LRRTM3: variants seen among roughly 807,000 people sequenced by gnomAD.
The protein encoded by LRRTM3 is leucine-rich repeat transmembrane neuronal protein 3.
A neutral mutation model predicts 44.7 loss-of-function variants in LRRTM3; 24 were observed. The ratio of observed to expected loss-of-function variants is 0.54; its 90% confidence interval spans 0.39 to 0.76. The LOEUF (loss-of-function observed/expected upper bound fraction) is 0.76. Among genes scored for constraint, LRRTM3 ranks in the 30% least tolerant of loss-of-function variants. The probability of loss-of-function intolerance (pLI) is 0.00; values close to 1 mark genes in which losing one functional copy is unlikely to be tolerated. For synonymous variants in LRRTM3, 277 were observed against 278.7 expected (o/e 0.99, Z 0.06); for missense variants, 587 against 702.2 (o/e 0.84, Z 1.85).
intron 2 of LRRTM3, among the ~76,000 whole-genome samples, chr10:67,061,864 AG>A (rs1855774163): frequency 6.6e-6 from 1 of 152,216 alleles, no homozygotes; most frequent in African/African-American, 2.4e-5. Context: ...TTACTGATAA[AG>A]AATCAAGTTA....
intron 2 of LRRTM3, among the ~76,000 whole-genome samples, chr10:67,059,068 C>A (rs1444287618): frequency 6.6e-6 from 1 of 152,150 alleles, no homozygotes; most frequent in Non-Finnish European, 1.5e-5. Context: ...TAAATATCTG[C>A]ACACACAAAT....
chr10:66,929,808 A>G (rs1847270831), intron 2 of LRRTM3, among the ~76,000 whole-genome samples: 1 of 152,212 alleles, frequency 6.6e-6, no homozygotes, highest in South Asian at 2.1e-4. Context: ...CACGAATATC[A>G]TAGCTTCCAT....
intron 2 of LRRTM3, among the ~76,000 whole-genome samples, chr10:67,023,565 A>G (rs754062531): frequency 1.2e-4 from 19 of 152,150 alleles, no homozygotes; most frequent in Non-Finnish European, 2.5e-4. Context: ...TACCCAAGCA[A>G]AGTCTAATGC....
intron 2 of LRRTM3, among the ~76,000 whole-genome samples, chr10:67,021,619 A>G (rs1853021479): frequency 6.6e-6 from 1 of 152,132 alleles, no homozygotes; most frequent in Non-Finnish European, 1.5e-5. Flanking sequence ...TAAAAATGGA[A>G]TAAAATTGTA....
chr10:67,071,659 A>T (rs2131849593), intron 2 of LRRTM3, among the ~76,000 whole-genome samples: 1 of 152,212 alleles, frequency 6.6e-6, no homozygotes, highest in South Asian at 2.1e-4. Context: ...TCTTTCCAAA[A>T]TTTTAGAAAA....
At chr10:67,044,534 T>C (rs1854608143) in intron 2 of LRRTM3, among the ~76,000 whole-genome samples, 1 of 152,172 alleles carries the variant, frequency 6.6e-6, no homozygotes, top group African/African-American at 2.4e-5. Context: ...AGATTCCCCA[T>C]TGAGCTAATC....
chr10:67,006,556 A>C (rs1289219538), intron 2 of LRRTM3, among the ~76,000 whole-genome samples: 2 of 152,046 alleles, frequency 1.3e-5, no homozygotes, highest in East Asian at 1.9e-4. Flanking sequence ...TATAACTTCA[A>C]CCTCTACCTG....
At chr10:66,934,253 C>T (rs1432488496) in intron 2 of LRRTM3, among the ~76,000 whole-genome samples, 2 of 151,976 alleles carry the variant, frequency 1.3e-5, no homozygotes, top group African/African-American at 4.8e-5. Flanking sequence ...ACTTTATTAA[C>T]AATTCTCCAT....
At chr10:67,041,537 C>T (rs1035692418) in intron 2 of LRRTM3, among the ~76,000 whole-genome samples, 9 of 152,144 alleles carry the variant, frequency 5.9e-5, no homozygotes, top group Admixed American at 2.6e-4. Flanking sequence ...AGTTTTCAGA[C>T]GCAGTTTGGA....
At chr10:66,956,185 T>C (rs554555560) in intron 2 of LRRTM3, among the ~76,000 whole-genome samples, 1 of 151,432 alleles carries the variant, frequency 6.6e-6, no homozygotes, top group South Asian at 2.1e-4. Context: ...AGAGTTCCTC[T>C]TTTTCTAATT....
chr10:67,085,789 A>G (rs935373984), intron 2 of LRRTM3, among the ~76,000 whole-genome samples: 4 of 152,034 alleles, frequency 2.6e-5, no homozygotes, highest in African/African-American at 9.7e-5. Context: ...CTAATACGCA[A>G]GCCTGCACAA....
At chr10:67,011,788 T>A (rs1404186606) in intron 2 of LRRTM3, among the ~76,000 whole-genome samples, 1 of 152,110 alleles carries the variant, frequency 6.6e-6, no homozygotes, top group South Asian at 2.1e-4. Context: ...CAACCATACA[T>A]ACAGAAGAGA....
chr10:67,040,212 G>A (rs1854306890), intron 2 of LRRTM3, among the ~76,000 whole-genome samples: 1 of 152,114 alleles, frequency 6.6e-6, no homozygotes, highest in Admixed American at 6.6e-5. Context: ...AGACACAGGT[G>A]TTCTCTGTGA....
Position 67,099,440 on chromosome 10 carries a change from C to T in LRRTM3, c.*1644C>T, listed in dbSNP as rs1313613563. The T allele has an allele frequency of 6.6e-6, 1 of 151,490 alleles. No homozygotes were observed. Among genetic ancestry groups the T allele is most frequent in the Non-Finnish European group, 1.5e-5 (1 of 67,718 alleles). 9.4% of individuals were successfully genotyped at this position (151,490 alleles called of 1,614,324 possible). ...GTAGATTGACAATACATCAATCTAA[C>T]AGGGGCCAATCAAAACAATGAAGAA... On this transcript the variant is annotated 3_prime_UTR_variant, in exon 3 of 3. Transcript: ENST00000361320.
rs1847146367 is a variant in LRRTM3, at chr10:66,927,550, C to T, written c.634C>T (p.Leu212=). 1.2e-6 allele frequency: 2 copies of T among 1,614,164 alleles called. No homozygotes were observed. Among genetic ancestry groups the T allele is most frequent in the East Asian group, 2.2e-5 (1 of 44,868 alleles). Residue 212 remains leucine (L), a synonymous_variant, in exon 2 of 3, where the codon CTG becomes TTG. Transcript: ENST00000361320. This position sits in a 1 kb window ranked among gnomAD's most constrained non-coding sequence, Gnocchi z 4.7. ...AGMIRLKELH[L]EHNQFSKLNL... ...CATGATCAGACTCAAAGAACTTCAC[C>T]TGGAGCACAATCAATTTTCCAAGCT... is the stretch of plus-strand genomic sequence containing the variant.
At chr10:66,953,252 A>C (rs1338108104) in intron 2 of LRRTM3, among the ~76,000 whole-genome samples, 1 of 152,188 alleles carries the variant, frequency 6.6e-6, no homozygotes, top group Non-Finnish European at 1.5e-5. Context: ...TTCTGATATC[A>C]CAGAAAAGTA....
chr10:67,028,774 T>C (rs1589628327), intron 2 of LRRTM3, among the ~76,000 whole-genome samples: 1 of 152,184 alleles, frequency 6.6e-6, no homozygotes, highest in Admixed American at 6.5e-5. Flanking sequence ...GTGAAGTCAT[T>C]TTAGCATTTT....
intron 2 of LRRTM3, among the ~76,000 whole-genome samples, chr10:66,978,552 A>AATAAAAAAAAAATATATATATATATATAT (rs1850215873): frequency 7.9e-5 from 3 of 37,884 alleles, no homozygotes; most frequent in African/African-American, 2.6e-4. Flanking sequence ...AAAAAAAAAA[A>AATAAAAAAAAAATATATATATATATATAT]ATATATATAT....
At chr10:67,038,731 G>A (rs1242870341) in intron 2 of LRRTM3, among the ~76,000 whole-genome samples, 1 of 152,032 alleles carries the variant, frequency 6.6e-6, no homozygotes, top group Non-Finnish European at 1.5e-5. Flanking sequence ...AAAATCATTA[G>A]TCAGGTCATT....
Sources: gnomAD v4.1 joint callset for allele counts (sites outside exome capture counted in the v4.1 genomes callset) on GRCh38, gnomAD v4.1.1 for gene constraint, Gnocchi (gnomAD v3.1) non-coding constraint, MANE v1.5 for transcripts, NCBI Gene and HGNC (gene_info 2026-07-23, HGNC 2026-07-21) for gene names.